Variants in ZNF675 observed in about 807,000 individuals in gnomAD.
ZNF675 encodes the protein TRAF6 inhibitory zinc finger.
ZNF675 carries 36 observed loss-of-function variants against 56.1 expected under a neutral mutation model. That is an observed-to-expected ratio of 0.64 (90% CI 0.49 to 0.85). The LOEUF is 0.85. Among genes scored for constraint, ZNF675 ranks in the 40% least tolerant of loss-of-function variants. The probability of loss-of-function intolerance (pLI) is 0.00; values close to 1 mark genes in which losing one functional copy is unlikely to be tolerated. For synonymous variants in ZNF675, 200 were observed against 218.9 expected, an observed-to-expected ratio of 0.91 and a Z score of 0.76; for missense variants, 663 against 654.2, an observed-to-expected ratio of 1.01 and a Z score of -0.15.
intron 2 of ZNF675, among the ~76,000 whole-genome samples, 154 bp from the exon 3 acceptor site, chr19:23,662,363 T>C (rs976651022): frequency 4.6e-5 from 7 of 152,170 alleles, no homozygotes; most frequent in African/African-American, 9.7e-5. Context: ...ACTTAGAAAA[T>C]ATTCTAAATT....
At chr19:23,679,997 CA>C (rs1260023225) in intron 1 of ZNF675, among the ~76,000 whole-genome samples, 2 of 146,712 alleles carry the variant, frequency 1.4e-5, no homozygotes, top group East Asian at 2.1e-4. Flanking sequence ...TACCCCCCCC[CA>C]AAAAAAAACA....
intron 1 of ZNF675, among the ~76,000 whole-genome samples, chr19:23,667,402 A>G (rs572608229): frequency 1.3e-5 from 2 of 152,198 alleles, no homozygotes; most frequent in Admixed American, 6.5e-5. Context: ...GCCTGCTTTT[A>G]TTGTCTTACC....
Position 23,654,068 on chromosome 19 carries a change from A to T in ZNF675, c.865T>A (p.Cys289Ser), listed in dbSNP as rs1467059598. The T allele has an allele frequency of 6.2e-7, 1 of 1,613,778 alleles. No individual in the cohort carries two copies. Among genetic ancestry groups the T allele is most frequent in the East Asian group, 2.2e-5 (1 of 44,844 alleles). The change falls in exon 4 of 4, where the codon TGT becomes AGT. Residue 289 changes from cysteine to serine, a missense_variant. Cys to Ser is a moderately radical substitution (Grantham distance 112). Coordinates refer to ENST00000359788, the MANE Select transcript of ZNF675 (RefSeq NM_138330.3). ...GAGAACTGGTTAAAGGCTTTGCCAC[A>T]TTCTTCACATTTGTAGGGTTTCTCT... ...TGEKPYKCEE[C>S]GKAFNQFSNL...
intron 3 of ZNF675, chr19:23,655,087 A>G (rs1967965748): frequency 6.5e-6 from 1 of 154,750 alleles, no homozygotes. Flanking sequence ...TAGAAAAAAA[A>G]TTAGCCAGGC....
At chr19:23,667,749 C>CA (rs1413443134) in intron 1 of ZNF675, among the ~76,000 whole-genome samples, 3 of 148,992 alleles carry the variant, frequency 2.0e-5, no homozygotes, top group Non-Finnish European at 4.4e-5. Flanking sequence ...GAGCTAGATA[C>CA]AGAGTGCCGA....
Position 23,654,135 on chromosome 19 carries a change from G to GTTTA in ZNF675, c.797_798insTAAA (p.Gln267LysfsTer10), listed in dbSNP as rs755120068. On this transcript the variant is annotated frameshift_variant, in exon 4 of 4. Coordinates refer to ENST00000359788, the MANE Select transcript of ZNF675 (RefSeq NM_138330.3). LOFTEE classifies it high-confidence loss of function. ...TATGTGTAGTAAGGTGTGAGGACTG[G>GTTTA]TTAAAGGCTTTGCCACATTCTTCAC... The GTTTA allele has an allele frequency of 1.4e-5, 23 of 1,613,340 alleles. No individual in the cohort carries two copies. Among genetic ancestry groups the GTTTA allele is most frequent in the Non-Finnish European group, 2.5e-6 (3 of 1,179,842 alleles).
chr19:23,684,132 G>A (rs1252173906), intron 1 of ZNF675, among the ~76,000 whole-genome samples: 1 of 151,198 alleles, frequency 6.6e-6, no homozygotes, highest in Non-Finnish European at 1.5e-5. Flanking sequence ...CGTGGTGGCG[G>A]GCACCTGTAA....
chr19:23,667,560 T>A (rs1304543997), intron 1 of ZNF675, among the ~76,000 whole-genome samples: 2 of 151,920 alleles, frequency 1.3e-5, no homozygotes, highest in Non-Finnish European at 2.9e-5. Flanking sequence ...GACACAAAGG[T>A]TCTCCAAGGC....
rs114766952 is a variant in ZNF675, at chr19:23,664,983, C to T, written c.4-1825G>A. ...AAAAACAAAACATGATACCTCCGCC[C>T]AGAAGAATAAACAGACCTGTGGATA... On this transcript the variant is annotated intron_variant, in intron 1 of 3. Coordinates refer to ENST00000359788, the MANE Select transcript of ZNF675 (RefSeq NM_138330.3). 8.9e-3 allele frequency among the ~76,000 whole-genome samples: 1,349 copies of T among 152,034 alleles called. 26 individuals are homozygous for T. The highest frequency in any genetic ancestry group is 0.03 in the African/African-American group (1,263 of 41,492).
rs149659535 is a variant in ZNF675, at chr19:23,674,130, G to A, written c.4-10972C>T. Among the ~76,000 whole-genome samples the A allele has an allele frequency of 6.3e-3, 950 of 151,576 alleles. 34 individuals are homozygous for A. Among genetic ancestry groups the A allele is most frequent in the African/African-American group, 0.022 (915 of 41,010 alleles). On this transcript the variant is annotated intron_variant, in intron 1 of 3. Transcript: ENST00000359788. ...AGGCAGAAGAATTGTTTGAACCCGG[G>A]AGGCAGAGGTTGCAGTGAGCCGAGA...
intron 1 of ZNF675, among the ~76,000 whole-genome samples, chr19:23,679,927 T>A (rs1222534653): frequency 6.7e-6 from 1 of 149,872 alleles, no homozygotes; most frequent in Non-Finnish European, 1.5e-5. Context: ...GAGGCAGAGG[T>A]TGTGGTGAGC....
chr19:23,662,048 C>T (rs2030537156), intron 3 of ZNF675, 66 bp downstream of exon 3: 2 of 1,187,538 alleles, frequency 1.7e-6, no homozygotes, highest in African/African-American at 1.5e-5. Flanking sequence ...TAAGGACTGG[C>T]TTTCTCTTTG....
chr19:23,678,297 G>A (rs62118325), intron 1 of ZNF675, among the ~76,000 whole-genome samples: 6,184 of 140,888 alleles, frequency 0.044, 224 homozygotes, highest in South Asian at 0.14. Context: ...GGTTCTTGTC[G>A]CCTAGGCTGG....
intron 1 of ZNF675, among the ~76,000 whole-genome samples, chr19:23,685,075 G>A (rs902914684): frequency 6.6e-6 from 1 of 151,722 alleles, no homozygotes; most frequent in African/African-American, 2.4e-5. Flanking sequence ...GTGCGATCTC[G>A]GCTCTCAGCC....
chr19:23,666,782 T>TTC (rs761388259), intron 1 of ZNF675, among the ~76,000 whole-genome samples: 20 of 63,438 alleles, frequency 3.2e-4, no homozygotes, highest in Admixed American at 1.6e-3. Flanking sequence ...CTTTTTCTCT[T>TTC]TCTCTCTCTT....
At chr19:23,677,080 AAAAAAAAAAAGAGAAAAG>A (rs1261733428) in intron 1 of ZNF675, among the ~76,000 whole-genome samples, 3 of 28,992 alleles carry the variant, frequency 1.0e-4, no homozygotes, top group Non-Finnish European at 2.5e-4. Flanking sequence ...GTCTCAGAAA[AAAAAAAAAAAGAGAAAAG>A]AAAAAAAAGA....
chr19:23,677,200 C>T (rs1012250958), intron 1 of ZNF675, among the ~76,000 whole-genome samples: 29 of 151,410 alleles, frequency 1.9e-4, no homozygotes, highest in African/African-American at 6.1e-4. Flanking sequence ...TCAGGCAAGC[C>T]GAAACAATAA....
At chr19:23,673,722 T>G (rs1968254732) in intron 1 of ZNF675, among the ~76,000 whole-genome samples, 1 of 152,176 alleles carries the variant, frequency 6.6e-6, no homozygotes, top group Non-Finnish European at 1.5e-5. Flanking sequence ...ATCTAATGCA[T>G]GTGGGGCTTA....
chr19:23,673,432 G>A (rs767919019), intron 1 of ZNF675, among the ~76,000 whole-genome samples: 1 of 152,196 alleles, frequency 6.6e-6, no homozygotes, highest in Non-Finnish European at 1.5e-5. Context: ...TGTGAAGTTC[G>A]TAGAAATCTG....
Sources: gnomAD v4.1 joint callset for allele counts (sites outside exome capture counted in the v4.1 genomes callset) on GRCh38, gnomAD v4.1.1 for gene constraint, MANE v1.5 for transcripts, NCBI Gene and HGNC (gene_info 2026-07-23, HGNC 2026-07-21) for gene names.